Variants in CA8 observed in about 807,000 individuals in gnomAD.
The protein encoded by CA8 is carbonic anhydrase-related protein.
Under a neutral mutation model 41.4 loss-of-function variants are expected in CA8, and 22 were observed. That is an observed-to-expected ratio of 0.53 (90% CI 0.38 to 0.76). The LOEUF (loss-of-function observed/expected upper bound fraction) is 0.76, where lower values mean the gene tolerates loss of function less well. Ranked by LOEUF, CA8 falls within the 30% of genes least tolerant of loss-of-function variation. CA8 has a pLI of 0.00. For synonymous variants in CA8, 121 were observed against 130.6 expected, an observed-to-expected ratio of 0.93 and a Z score of 0.50; for missense variants, 270 against 352.8, an observed-to-expected ratio of 0.77 and a Z score of 1.88.
At chr8:60,268,815 T>C (rs1009875349) in intron 2 of CA8, among the ~76,000 whole-genome samples, 13 of 152,062 alleles carry the variant, frequency 8.5e-5, no homozygotes, top group African/African-American at 3.1e-4. Flanking sequence ...TTCTGAGTCC[T>C]ATCTGGTTAC....
At chr8:60,212,109 G>C (rs7011817) in intron 7 of CA8, among the ~76,000 whole-genome samples, 77,359 of 151,914 alleles carry the variant, frequency 0.51, 20,013 homozygotes, top group Admixed American at 0.57. Context: ...TGGAGAAGTC[G>C]CCATCTTCTG....
chr8:60,217,295 C>A (rs1807055184), intron 7 of CA8, among the ~76,000 whole-genome samples: 1 of 152,212 alleles, frequency 6.6e-6, no homozygotes, highest in South Asian at 2.1e-4. Flanking sequence ...ACTTTGTTCT[C>A]AAGTCTATAA....
intron 2 of CA8, among the ~76,000 whole-genome samples, chr8:60,274,202 T>C (rs1804156816): frequency 6.6e-6 from 1 of 151,526 alleles, no homozygotes; most frequent in Admixed American, 6.6e-5. Context: ...TTGCAGGGGG[T>C]ACCTCCAGTT....
chr8:60,234,446 T>C (rs893065250), intron 3 of CA8, among the ~76,000 whole-genome samples: 5 of 152,252 alleles, frequency 3.3e-5, no homozygotes, highest in South Asian at 2.1e-4. Context: ...GTAACAAATG[T>C]AACCATGCTA....
At chr8:60,230,428 A>G (rs903338509) in intron 4 of CA8, among the ~76,000 whole-genome samples, 1 of 152,142 alleles carries the variant, frequency 6.6e-6, no homozygotes, top group Non-Finnish European at 1.5e-5. Context: ...TTCACTGGAC[A>G]TCATCGCCAG....
intron 3 of CA8, among the ~76,000 whole-genome samples, chr8:60,260,659 A>C (rs1182688031): frequency 6.6e-6 from 1 of 152,096 alleles, no homozygotes; most frequent in Non-Finnish European, 1.5e-5. Context: ...GACCTTTTGA[A>C]CTCTTAGATT....
At chr8:60,260,222 G>A (rs145419291) in intron 3 of CA8, among the ~76,000 whole-genome samples, 22 of 152,228 alleles carry the variant, frequency 1.4e-4, no homozygotes, top group Admixed American at 3.3e-4. Flanking sequence ...TCCCCAGACC[G>A]CAGTAAGCAT....
chr8:60,279,618 T>C (rs114775598), intron 2 of CA8, 71 bp downstream of exon 2: 25 of 1,309,376 alleles, frequency 1.9e-5, no homozygotes, highest in Non-Finnish European at 2.7e-5. Context: ...TTGTGCAAGT[T>C]AAATCACAGT....
At chr8:60,236,766 T>C (rs751432274) in intron 3 of CA8, among the ~76,000 whole-genome samples, 1 of 152,208 alleles carries the variant, frequency 6.6e-6, no homozygotes, top group Non-Finnish European at 1.5e-5. Flanking sequence ...TATAAATACA[T>C]ATTAGTGCAT....
rs60618306 is a variant in CA8 at position 60,227,048 on chromosome 8, T to C, written c.514-113A>G. On this transcript the variant is annotated intron_variant, in intron 4 of 8. Coordinates refer to ENST00000317995, the MANE Select transcript of CA8 (RefSeq NM_004056.6). ...GGCTCATGCCTGTAACCCCAGCACT[T>C]TGGGAGGCCGAGTTGGGTGGATCAC... is the stretch of plus-strand genomic sequence containing the variant. 3,574 of 770,548 alleles carry C rather than the reference T, an allele frequency of 4.6e-3. 108 individuals carry two copies. In the African/African-American group the frequency reaches 0.055, roughly 12 times the overall value. 47.7% of individuals were successfully genotyped at this position (770,548 alleles called of 1,614,324 possible).
intron 3 of CA8, among the ~76,000 whole-genome samples, chr8:60,254,873 T>C (rs749470957): frequency 5.9e-5 from 9 of 152,220 alleles, no homozygotes; most frequent in Admixed American, 2.6e-4. Flanking sequence ...TAGAAAACTA[T>C]GTTACTCTTA....
At position 60,215,342 on chromosome 8, in the gene CA8, C is replaced by CGT. The variant is rs1294810226; in HGVS notation, c.739-6425_739-6424dup. 5.4e-4 allele frequency among the ~76,000 whole-genome samples: 70 copies of CGT among 130,616 alleles called. 1 individual carries two copies. The highest frequency in any genetic ancestry group is 1.8e-3 in the Admixed American group (22 of 12,076). The allele number at this position is 130,616 out of a possible 152,430, so 85.7% of individuals were successfully genotyped here. On this transcript the variant is annotated intron_variant, in intron 7 of 8. Transcript: ENST00000317995. ...ATCAATGAGTGGATAAAAACACTGT[C>CGT]GTGTGTGTGTGTGTATACACACACA... is the stretch of plus-strand genomic sequence containing the variant.
chr8:60,263,781 G>C (rs2130589971), intron 3 of CA8, among the ~76,000 whole-genome samples: 1 of 152,300 alleles, frequency 6.6e-6, no homozygotes, highest in Middle Eastern at 3.4e-3. Context: ...ACCCACCTCA[G>C]TTTTCATAGT....
At chr8:60,274,043 A>C (rs1204651312) in intron 2 of CA8, among the ~76,000 whole-genome samples, 1 of 152,260 alleles carries the variant, frequency 6.6e-6, no homozygotes, top group Non-Finnish European at 1.5e-5. Context: ...AAAAATAAAG[A>C]ATAAAACAAA....
chr8:60,214,238 A>G (rs928626796), intron 7 of CA8, among the ~76,000 whole-genome samples: 2 of 152,242 alleles, frequency 1.3e-5, no homozygotes, highest in Admixed American at 1.3e-4. Context: ...GGCATTATTC[A>G]TTCGTCCTCA....
At chr8:60,236,805 T>C (rs1438190276) in intron 3 of CA8, among the ~76,000 whole-genome samples, 2 of 152,216 alleles carry the variant, frequency 1.3e-5, no homozygotes, top group East Asian at 3.8e-4. Flanking sequence ...AATACATATA[T>C]TATGGATACA....
intron 7 of CA8, among the ~76,000 whole-genome samples, chr8:60,211,856 A>C (rs1806847284): frequency 6.6e-6 from 1 of 152,218 alleles, no homozygotes; most frequent in Non-Finnish European, 1.5e-5. Flanking sequence ...GTGCATACTG[A>C]ATCAGCCACA....
chr8:60,208,738 A>G lies in CA8; in HGVS notation c.*35+12T>C, dbSNP rs751960096. On this transcript the variant is annotated intron_variant, in intron 8 of 8. Transcript: ENST00000317995. ...CTGTGCACCTCATTTTCCTTACTTA[A>G]TCTGGACATACCCTCATGAAGACAG... 1.4e-5 allele frequency: 23 copies of G among 1,612,792 alleles called. No homozygotes were observed. Among genetic ancestry groups the G allele is most frequent in the South Asian group, 2.2e-5 (2 of 91,052 alleles).
chr8:60,200,806 T>G (rs952157771), intron 8 of CA8, among the ~76,000 whole-genome samples: 1 of 152,200 alleles, frequency 6.6e-6, no homozygotes. Context: ...TTCTCAACAC[T>G]CTCCAGACAG....
Sources: allele counts gnomAD v4.1 joint callset (sites outside exome capture counted in the v4.1 genomes callset), GRCh38; gene constraint gnomAD v4.1.1; transcripts MANE v1.5; gene names NCBI Gene and HGNC (gene_info 2026-07-23, HGNC 2026-07-21).